CLEC4D: variants seen among roughly 807,000 people sequenced by gnomAD.
CLEC4D encodes C-type (calcium dependent, carbohydrate-recognition domain) lectin, superfamily member 8.
A neutral mutation model predicts 21.1 loss-of-function variants in CLEC4D; 21 were observed. The ratio of observed to expected loss-of-function variants is 1.00; its 90% confidence interval spans 0.71 to 1.43. The LOEUF is 1.43. CLEC4D is among the 40% of genes most tolerant of loss of function. The probability of loss-of-function intolerance (pLI) is 0.00; values close to 1 mark genes in which losing one functional copy is unlikely to be tolerated. For synonymous variants in CLEC4D, 85 were observed against 83.1 expected, an observed-to-expected ratio of 1.02 and a Z score of -0.12; for missense variants, 289 against 260.7, an observed-to-expected ratio of 1.11 and a Z score of -0.75.
At chr12:8,517,988 A>G (rs1349757308) in intron 2 of CLEC4D, among the ~76,000 whole-genome samples, 176 bp from the exon 3 acceptor site, 1 of 152,216 alleles carries the variant, frequency 6.6e-6, no homozygotes, top group Non-Finnish European at 1.5e-5. Flanking sequence ...ATTAATTTTC[A>G]ACAATTGCTT....
chr12:8,530,145 T>C, the CLEC4D span, among the ~76,000 whole-genome samples: 1 of 152,164 alleles, frequency 6.6e-6, no homozygotes, highest in African/African-American at 2.4e-5. Flanking sequence ...CCACTTAGTG[T>C]TAAAACATTT....
chr12:8,530,397 T>C, the CLEC4D span, among the ~76,000 whole-genome samples: 27 of 145,212 alleles, frequency 1.9e-4, no homozygotes, highest in African/African-American at 3.9e-4. Context: ...CAGGGAAATA[T>C]AGTGAAAGGC....
chr12:8,520,453 A>C (rs1311875799), intron 5 of CLEC4D, 112 bp downstream of exon 5: 2 of 1,430,540 alleles, frequency 1.4e-6, no homozygotes, highest in Non-Finnish European at 1.8e-6. Flanking sequence ...AAGAGAGACC[A>C]CTGTAGGTTG....
the CLEC4D span, among the ~76,000 whole-genome samples, chr12:8,527,493 G>C: frequency 6.6e-6 from 1 of 152,228 alleles, no homozygotes. Context: ...CACAGCCAGT[G>C]TGTTGGGCTG....
In CLEC4D at chr12:8,519,032, A is replaced by G. The variant is rs758683224; in HGVS notation, c.256A>G (p.Ile86Val). The G allele has an allele frequency of 2.5e-5, 41 of 1,613,964 alleles. No homozygotes were observed. In the East Asian group the frequency reaches 5.8e-4, roughly 23 times the overall value. Residue 86 changes from isoleucine (I) to valine (V), a missense_variant, in exon 4 of 6, where the codon ATT becomes GTT. Transcript: ENST00000299665. ...AGGGAGCACCTGGAACTGTTGTCCT[A>G]TTGACTGGAGAGCCTTCCAGTCCAA... ...AEGSTWNCCP[I>V]DWRAFQSNCY...
At chr12:8,520,055 G>T (rs921103941) in intron 4 of CLEC4D, among the ~76,000 whole-genome samples, 171 bp from the exon 5 acceptor site, 2 of 152,148 alleles carry the variant, frequency 1.3e-5, no homozygotes, top group Non-Finnish European at 2.9e-5. Context: ...CTGGGGGTTT[G>T]GTAAGATTGA....
At chr12:8,518,113 A>C (rs961793246) in intron 2 of CLEC4D, 51 bp from the exon 3 acceptor site, 4 of 769,270 alleles carry the variant, frequency 5.2e-6, no homozygotes, top group Non-Finnish European at 9.1e-6. Flanking sequence ...CTATTTCCCT[A>C]ATTAGTGGTT....
chr12:8,525,175 G>T (rs1459148230), downstream of CLEC4D, among the ~76,000 whole-genome samples: 1 of 152,144 alleles, frequency 6.6e-6, no homozygotes, highest in African/African-American at 2.4e-5. Context: ...TGTATATTCT[G>T]CTGATTTGGG....
downstream of CLEC4D, among the ~76,000 whole-genome samples, chr12:8,526,001 G>A (rs762673581): frequency 6.6e-6 from 1 of 152,310 alleles, no homozygotes; most frequent in South Asian, 2.1e-4. Flanking sequence ...ATTTAAGAAT[G>A]TTGAATATTG....
downstream of CLEC4D, among the ~76,000 whole-genome samples, chr12:8,523,327 G>A (rs754835792): frequency 5.3e-5 from 8 of 152,286 alleles, no homozygotes; most frequent in East Asian, 1.3e-3. Context: ...TCCTATCCAT[G>A]AAGATGGAAT....
Position 8,521,334 on chromosome 12 carries a change from A to G in CLEC4D, c.*63A>G. ...GAAAAACCAATTAGAATAAGGCAGA[A>G]TGTACGTGCGTCATTGGAACACAGA... On this transcript the variant is annotated 3_prime_UTR_variant, in exon 6 of 6. Transcript: ENST00000299665. 6.4e-7 allele frequency: 1 copy of G among 1,553,130 alleles called. No homozygotes were observed. Among genetic ancestry groups the G allele is most frequent in the South Asian group, 1.2e-5 (1 of 81,948 alleles).
chr12:8,519,824 G>A (rs1016692030), intron 4 of CLEC4D, among the ~76,000 whole-genome samples: 4 of 152,148 alleles, frequency 2.6e-5, no homozygotes, highest in African/African-American at 9.7e-5. Context: ...TTTCCTCAAG[G>A]ATTTTGTCTC....
intron 2 of CLEC4D, among the ~76,000 whole-genome samples, chr12:8,517,472 C>T (rs1043265674): frequency 1.4e-5 from 2 of 140,880 alleles, no homozygotes; most frequent in Non-Finnish European, 3.1e-5. Context: ...ACAACAGGCC[C>T]CGGTGTGTGC....
In CLEC4D at chr12:8,513,534, C is replaced by T. The variant is rs755825718; in HGVS notation, c.-199C>T. ...TCTCCCGGAATGTATCAAAGGAAAC[C>T]CCTGTCTTTGAAAAAGACTTCTTTT... is the stretch of plus-strand genomic sequence containing the variant. On this transcript the variant is annotated 5_prime_UTR_variant, in exon 1 of 6. Transcript: ENST00000299665. 8 of 392,646 alleles carry T rather than the reference C, an allele frequency of 2.0e-5. No homozygotes were observed. The South Asian group carries it at 2.8e-4, about 14-fold the overall frequency. 24.3% of individuals were successfully genotyped at this position (392,646 alleles called of 1,614,324 possible).
chr12:8,519,321 T>A (rs971929626), intron 4 of CLEC4D, among the ~76,000 whole-genome samples, 161 bp downstream of exon 4: 1 of 152,230 alleles, frequency 6.6e-6, no homozygotes, highest in African/African-American at 2.4e-5. Context: ...GGCCAACTTC[T>A]TTTGGTCTTT....
chr12:8,529,665 T>C, the CLEC4D span, among the ~76,000 whole-genome samples: 1 of 152,128 alleles, frequency 6.6e-6, no homozygotes, highest in South Asian at 2.1e-4. Flanking sequence ...AAAATGTAAT[T>C]AAAAATATGT....
intron 2 of CLEC4D, 24 bp downstream of exon 2, chr12:8,515,352 CTCTTCTTGAA>C: frequency 2.0e-6 from 2 of 1,008,942 alleles, no homozygotes; most frequent in Non-Finnish European, 3.2e-6. Flanking sequence ...CAAAGTAGAA[CTCTTCTTGAA>C]TTATTATTTC....
rs780342896 is a variant in CLEC4D, at chr12:8,515,215, C to G, written c.29-21C>G. ...CTTGTAGCTGAGAGGAGGTTAATCTCTATTTTTCTTTTGGTCCTAGTGGAA... is the reference window on the plus strand; with the variant it reads ...CTTGTAGCTGAGAGGAGGTTAATCTGTATTTTTCTTTTGGTCCTAGTGGAA... On this transcript the variant is annotated intron_variant, in intron 1 of 5. Transcript: ENST00000299665. 35 of 1,100,032 alleles carry G rather than the reference C, an allele frequency of 3.2e-5. No homozygotes were observed. The African/African-American group carries it at 5.1e-4, about 16-fold the overall frequency. The allele number at this position is 1,100,032 out of a possible 1,614,324, so 68.1% of individuals were successfully genotyped here. A position where few individuals can be genotyped will look rare whatever the true frequency, so the allele number is the denominator to read the frequency against.
At chr12:8,528,073 A>G in the CLEC4D span, among the ~76,000 whole-genome samples, 1 of 151,918 alleles carries the variant, frequency 6.6e-6, no homozygotes, top group South Asian at 2.1e-4. Context: ...TGAAGGATCC[A>G]CTCACTTATT....
Sources: allele counts gnomAD v4.1 joint callset (sites outside exome capture counted in the v4.1 genomes callset), GRCh38; gene constraint gnomAD v4.1.1; transcripts MANE v1.5; gene names NCBI Gene and HGNC (gene_info 2026-07-23, HGNC 2026-07-21).